The following LSP1 variants were observed in gnomAD, a reference collection of about 807,000 sequenced individuals.
LSP1 encodes the protein lymphocyte-specific protein 1.
Under a neutral mutation model 49.3 loss-of-function variants are expected in LSP1, and 32 were observed. The ratio of observed to expected loss-of-function variants is 0.65; its 90% CI spans 0.49 to 0.87. The LOEUF (loss-of-function observed/expected upper bound fraction) is 0.87. Among genes scored for constraint, LSP1 ranks in the 40% least tolerant of loss-of-function variants. The probability of loss-of-function intolerance (pLI) is 0.00; values close to 1 mark genes in which losing one functional copy is unlikely to be tolerated. For synonymous variants in LSP1, 179 were observed against 178.8 expected, an observed-to-expected ratio of 1.00 and a Z score of -0.01; for missense variants, 428 against 442.6, an observed-to-expected ratio of 0.97 and a Z score of 0.30.
At chr11:1,871,331 TG>T in intron 1 of LSP1, 7 of 985,918 alleles carry the variant, frequency 7.1e-6, no homozygotes, top group Non-Finnish European at 8.4e-6. Flanking sequence ...TCGCCGCAGA[TG>T]GGGGCAGAGA....
At chr11:1,865,130 G>A (rs749864273) in intron 1 of LSP1, 18 of 909,284 alleles carry the variant, frequency 2.0e-5, no homozygotes, top group Non-Finnish European at 2.4e-5. Context: ...AGCAGGACAG[G>A]AGCCTTTGAG....
intron 1 of LSP1, among the ~76,000 whole-genome samples, chr11:1,860,900 G>T (rs1398405509): frequency 6.6e-6 from 1 of 151,962 alleles, no homozygotes; most frequent in Admixed American, 6.6e-5. Context: ...TGATTGGAAA[G>T]ATTAATAGAA....
intron 2 of LSP1, 89 bp from the exon 3 acceptor site, chr11:1,881,343 G>A (rs1848528952): frequency 7.6e-7 from 1 of 1,309,256 alleles, no homozygotes; most frequent in Non-Finnish European, 1.0e-6. Flanking sequence ...TGGAGTCCAG[G>A]GCCTGAGCGG....
intron 1 of LSP1, chr11:1,865,155 C>T: frequency 1.0e-6 from 1 of 983,900 alleles, no homozygotes; most frequent in Non-Finnish European, 1.2e-6. Context: ...TGCTCTATCC[C>T]CGGGGCTGGG....
chr11:1,881,534 G>A lies in LSP1; in HGVS notation c.294G>A (p.Gln98=). ...AGCGGCAGCAGCACGAGGGGGCGCA[G>A]GGCGCCTTGGACAGCGGAGAGCCCC... ...PEQRQQHEGA[Q]GALDSGEPPQ... Residue 98 remains glutamine (Q), a synonymous_variant, in exon 3 of 11, where the codon CAG becomes CAA. Transcript: ENST00000311604. 1 of 1,553,464 alleles carries A rather than the reference G, an allele frequency of 6.4e-7. No individual in the cohort carries two copies. The highest frequency in any genetic ancestry group is 8.7e-7 in the Non-Finnish European group (1 of 1,148,208).
At chr11:1,862,098 A>ATGG (rs1295096375) in intron 1 of LSP1, among the ~76,000 whole-genome samples, 1 of 148,544 alleles carries the variant, frequency 6.7e-6, no homozygotes, top group African/African-American at 2.5e-5. Flanking sequence ...TGAGTGGATA[A>ATGG]ATGGATGGAT....
At chr11:1,863,035 G>T (rs1364991892) in intron 1 of LSP1, among the ~76,000 whole-genome samples, 1 of 152,088 alleles carries the variant, frequency 6.6e-6, no homozygotes, top group Non-Finnish European at 1.5e-5. Flanking sequence ...AGATGCTGTG[G>T]GCTCCTCTCT....
intron 1 of LSP1, among the ~76,000 whole-genome samples, 183 bp downstream of exon 1, chr11:1,853,380 A>AC (rs1026327163): frequency 2.0e-5 from 3 of 151,550 alleles, no homozygotes; most frequent in East Asian, 1.9e-4. Context: ...TCTTGCTGGG[A>AC]CCCCCCTCTC....
chr11:1,867,966 G>A (rs1232798573), intron 1 of LSP1, among the ~76,000 whole-genome samples: 10 of 152,186 alleles, frequency 6.6e-5, no homozygotes, highest in African/African-American at 2.4e-4. Context: ...GGCTGGCAGG[G>A]TCAGGCCCTG....
intron 1 of LSP1, chr11:1,866,587 C>T (rs1847797260): frequency 6.5e-7 from 1 of 1,549,804 alleles, no homozygotes; most frequent in Non-Finnish European, 8.7e-7. Flanking sequence ...CCCAGCCTCC[C>T]CCTACCCCTG....
chr11:1,871,242 G>T, intron 1 of LSP1: 1 of 986,808 alleles, frequency 1.0e-6, no homozygotes. Context: ...GGCAGGCAGA[G>T]CCGCAGCCAC....
chr11:1,868,663 C>T (rs555967076), intron 1 of LSP1: 4 of 985,790 alleles, frequency 4.1e-6, no homozygotes, highest in Admixed American at 6.1e-5. Context: ...GGGTAGCCCC[C>T]GCCCTGGCAG....
Position 1,858,493 on chromosome 11 carries a change from A to G in LSP1, c.53+5296A>G, listed in dbSNP as rs984833206. On this transcript the variant is annotated intron_variant, in intron 1 of 10. Coordinates refer to ENST00000311604, the MANE Select transcript of LSP1 (RefSeq NM_002339.3). ...CCCCGCCCAAATCCCAGCCCTCAGC[A>G]TCTTTTTGGGGGCCACTAAAGACCT... 8.5e-5 allele frequency among the ~76,000 whole-genome samples: 13 copies of G among 152,156 alleles called. No individual in the cohort carries two copies. The Middle Eastern group carries it at 0.014, about 159-fold the overall frequency.
At chr11:1,881,867 G>A (rs992840211) in intron 3 of LSP1, among the ~76,000 whole-genome samples, 1 of 152,118 alleles carries the variant, frequency 6.6e-6, no homozygotes, top group Non-Finnish European at 1.5e-5. Flanking sequence ...CATGGTGGCC[G>A]GCGAGGGGCC....
At position 1,890,228 on chromosome 11, in the gene LSP1, G is replaced by A. The variant is rs756920788; in HGVS notation, c.*14-1545G>A. 7.4e-5 allele frequency: 53 copies of A among 716,634 alleles called. No homozygotes were observed. The Middle Eastern group carries it at 9.1e-4, about 12-fold the overall frequency. 44.4% of individuals were successfully genotyped at this position (716,634 alleles called of 1,614,324 possible). A position where few individuals can be genotyped will look rare whatever the true frequency, so the allele number is the denominator to read the frequency against. ...GCAGGGGTGATGCCACGTGGTGGAT[G>A]ATGGGGGTGTGCGGGGAGCGGGGTA... On this transcript the variant is annotated intron_variant, in intron 10 of 10. Transcript: ENST00000311604.
chr11:1,876,889 C>G (rs933549510), intron 1 of LSP1, among the ~76,000 whole-genome samples: 11 of 152,048 alleles, frequency 7.2e-5, no homozygotes, highest in African/African-American at 2.7e-4. Flanking sequence ...GGCCAGGCCC[C>G]GAAGTGGAGC....
intron 1 of LSP1, among the ~76,000 whole-genome samples, chr11:1,877,066 T>A (rs1848341176): frequency 6.6e-6 from 1 of 152,232 alleles, no homozygotes; most frequent in Admixed American, 6.5e-5. Context: ...TGCACGGGGC[T>A]GAGCCAGGGC....
intron 1 of LSP1, among the ~76,000 whole-genome samples, chr11:1,878,725 C>T (rs1216848439): frequency 6.6e-6 from 1 of 152,130 alleles, no homozygotes; most frequent in Non-Finnish European, 1.5e-5. Context: ...ACTGAGACCC[C>T]AGTGGGGAGA....
intron 1 of LSP1, among the ~76,000 whole-genome samples, chr11:1,863,905 G>T (rs989177592): frequency 6.6e-6 from 1 of 152,144 alleles, no homozygotes; most frequent in Non-Finnish European, 1.5e-5. Context: ...GTCTGGCTGG[G>T]GGGTTGGGCC....
Sources: gnomAD v4.1 joint callset for allele counts (sites outside exome capture counted in the v4.1 genomes callset) on GRCh38, gnomAD v4.1.1 for gene constraint, MANE v1.5 for transcripts, NCBI Gene and HGNC (gene_info 2026-07-23, HGNC 2026-07-21) for gene names.